The following CSMD1 variants were observed in gnomAD, a reference collection of about 807,000 sequenced individuals.
CSMD1 encodes the protein CUB and sushi domain-containing protein 1.
CSMD1 carries 213 observed loss-of-function variants against 417.5 expected under a neutral mutation model. The observed-to-expected ratio is 0.51, with a 90% confidence interval of 0.46 to 0.57. CSMD1 has a LOEUF of 0.57. Among genes scored for constraint, CSMD1 ranks in the 20% least tolerant of loss-of-function variants. CSMD1 has a pLI of 0.00. For missense variants in CSMD1, 6,923 were observed against 4,529.7 expected, an observed-to-expected ratio of 1.53 and a Z score of -15.17; for synonymous variants, 2,862 against 1,736.8, an observed-to-expected ratio of 1.65 and a Z score of -16.11.
intron 4 of CSMD1, among the ~76,000 whole-genome samples, chr8:4,007,990 A>G (rs1488821072): frequency 6.6e-6 from 1 of 152,232 alleles, no homozygotes; most frequent in African/African-American, 2.4e-5. Context: ...AGAACGATTC[A>G]TAATTGTAGC....
intron 50 of CSMD1, among the ~76,000 whole-genome samples, chr8:3,046,016 GC>G (rs1426169076): frequency 6.6e-6 from 1 of 152,160 alleles, no homozygotes; most frequent in Admixed American, 6.5e-5. Context: ...TGTGGGTGGG[GC>G]TCCAAGTCGG....
intron 3 of CSMD1, among the ~76,000 whole-genome samples, chr8:4,117,290 T>TGC (rs1802210703): frequency 2.0e-5 from 3 of 151,726 alleles, no homozygotes; most frequent in South Asian, 2.1e-4. Context: ...GCAGCATGCG[T>TGC]GGCTGGCTGG....
At chr8:4,372,547 C>A (rs1802456370) in intron 3 of CSMD1, among the ~76,000 whole-genome samples, 1 of 151,266 alleles carries the variant, frequency 6.6e-6, no homozygotes, top group Admixed American at 6.6e-5. Flanking sequence ...TGATTCAAAG[C>A]CTTTTGGAGG....
chr8:4,469,323 G>C (rs1292227694), intron 2 of CSMD1, among the ~76,000 whole-genome samples: 3 of 152,086 alleles, frequency 2.0e-5, no homozygotes, highest in Non-Finnish European at 4.4e-5. Flanking sequence ...AATTATTTTC[G>C]GCTTTCTGAA....
chr8:4,388,303 T>TAGACACAC (rs1554456248), intron 3 of CSMD1, among the ~76,000 whole-genome samples: 1 of 117,136 alleles, frequency 8.5e-6, no homozygotes, highest in Non-Finnish European at 1.7e-5. Flanking sequence ...GAAACTGTGA[T>TAGACACAC]ACACACACAC....
intron 1 of CSMD1, among the ~76,000 whole-genome samples, chr8:4,658,853 G>T (rs1322510859): frequency 6.6e-6 from 1 of 152,108 alleles, no homozygotes; most frequent in Non-Finnish European, 1.5e-5. Context: ...TGTGAACATG[G>T]TCTGGGGTTG....
chr8:4,561,260 G>C (rs892849361), intron 2 of CSMD1, among the ~76,000 whole-genome samples: 6 of 152,184 alleles, frequency 3.9e-5, no homozygotes, highest in African/African-American at 1.4e-4. Context: ...TGTAATCCCA[G>C]CTACCTGGGA....
At chr8:3,864,775 C>T (rs1321953420) in intron 5 of CSMD1, among the ~76,000 whole-genome samples, 2 of 152,178 alleles carry the variant, frequency 1.3e-5, no homozygotes, top group African/African-American at 4.8e-5. Flanking sequence ...TCGTGGTTAA[C>T]TAGATGTTAT....
intron 5 of CSMD1, among the ~76,000 whole-genome samples, chr8:3,766,119 G>C (rs965119675): frequency 6.6e-6 from 1 of 152,282 alleles, no homozygotes; most frequent in Non-Finnish European, 1.5e-5. Flanking sequence ...TAAGACAGTC[G>C]AGAGACAGTG....
At chr8:3,351,147 A>G (rs926563721) in intron 21 of CSMD1, among the ~76,000 whole-genome samples, 5 of 152,238 alleles carry the variant, frequency 3.3e-5, no homozygotes, top group African/African-American at 1.2e-4. Flanking sequence ...TGAATATGTA[A>G]TAATAGCTCA....
intron 2 of CSMD1, among the ~76,000 whole-genome samples, chr8:4,493,417 C>T (rs1021871600): frequency 2.6e-5 from 4 of 152,032 alleles, no homozygotes; most frequent in African/African-American, 4.8e-5. Flanking sequence ...TACTGATGGT[C>T]GGGACTGGTG....
intron 2 of CSMD1, among the ~76,000 whole-genome samples, chr8:4,424,931 G>T (rs539519415): frequency 1.3e-5 from 2 of 152,046 alleles, no homozygotes; most frequent in Admixed American, 6.6e-5. Flanking sequence ...ACATTGGAAA[G>T]GTTGAGACTG....
rs1284301915 is a variant in CSMD1 at position 3,308,648 on chromosome 8, A to AGAT, written c.3632-148_3632-146dup. 5 of 633,818 alleles carry AGAT rather than the reference A, an allele frequency of 7.9e-6. No homozygotes were observed. The Admixed American group carries it at 8.3e-5, about 10-fold the overall frequency. 39.3% of individuals were successfully genotyped at this position (633,818 alleles called of 1,614,324 possible). ...TGTGAATTTACAAAGGGGAAAAGAA[A>AGAT]GATGGGTCTGTACTGGGGCTATTTG... On this transcript the variant is annotated intron_variant, in intron 23 of 69. Transcript: ENST00000635120.
At chr8:3,461,084 G>T (rs1816471415) in intron 12 of CSMD1, among the ~76,000 whole-genome samples, 1 of 152,202 alleles carries the variant, frequency 6.6e-6, no homozygotes, top group African/African-American at 2.4e-5. Flanking sequence ...CCTTGCATGG[G>T]CCTCACCGCA....
At chr8:4,604,410 T>TGTGTGTGTGCGCGC (rs59349269) in intron 2 of CSMD1, among the ~76,000 whole-genome samples, 49 of 146,228 alleles carry the variant, frequency 3.4e-4, no homozygotes, top group South Asian at 8.9e-4. Context: ...TGTGTGTGTG[T>TGTGTGTGTGCGCGC]GCGCGTGCGT....
chr8:4,310,176 A>T (rs966717505), intron 3 of CSMD1, among the ~76,000 whole-genome samples: 6 of 152,214 alleles, frequency 3.9e-5, no homozygotes, highest in African/African-American at 1.4e-4. Context: ...GCATCAGACC[A>T]TAAAGAAACA....
intron 2 of CSMD1, among the ~76,000 whole-genome samples, chr8:4,481,862 G>C (rs182186065): frequency 3.3e-4 from 50 of 152,240 alleles, no homozygotes; most frequent in African/African-American, 1.2e-3. Context: ...TATTTTAGAA[G>C]TCAGGAAACT....
chr8:4,480,552 G>T (rs1055139249), intron 2 of CSMD1, among the ~76,000 whole-genome samples: 1 of 152,196 alleles, frequency 6.6e-6, no homozygotes, highest in Non-Finnish European at 1.5e-5. Flanking sequence ...GCGTCAAGCG[G>T]AGGTCCTGTT....
chr8:4,690,574 A>T (rs1806703090), intron 1 of CSMD1, among the ~76,000 whole-genome samples: 1 of 152,232 alleles, frequency 6.6e-6, no homozygotes, highest in South Asian at 2.1e-4. Context: ...GATGAATTCT[A>T]AAATATTATA....
Sources: allele counts gnomAD v4.1 joint callset (sites outside exome capture counted in the v4.1 genomes callset), GRCh38; gene constraint gnomAD v4.1.1; transcripts MANE v1.5; gene names NCBI Gene and HGNC (gene_info 2026-07-23, HGNC 2026-07-21).